Variants in DEPTOR observed in about 807,000 individuals in gnomAD.
DEPTOR encodes DEP domain containing MTOR interacting protein.
Under a neutral mutation model 41.6 loss-of-function variants are expected in DEPTOR, and 41 were observed. The observed-to-expected ratio is 0.98, with a 90% CI of 0.77 to 1.28. DEPTOR has a LOEUF of 1.28. Among genes scored for constraint, DEPTOR ranks in the 50% most tolerant of loss-of-function variants. The pLI, the probability that DEPTOR is intolerant of heterozygous loss-of-function variation, is 0.00. For missense variants in DEPTOR, 514 were observed against 527.9 expected (o/e 0.97, Z 0.26); for synonymous variants, 195 against 192.3 (o/e 1.01, Z -0.12).
At chr8:120,018,889 C>T (rs1051443818) in intron 8 of DEPTOR, among the ~76,000 whole-genome samples, 1 of 152,198 alleles carries the variant, frequency 6.6e-6, no homozygotes, top group African/African-American at 2.4e-5. Flanking sequence ...CTCAGTAATA[C>T]AGCGATAACA....
intron 1 of DEPTOR, among the ~76,000 whole-genome samples, chr8:119,882,882 A>T (rs925871335): frequency 6.6e-6 from 1 of 152,086 alleles, no homozygotes; most frequent in Non-Finnish European, 1.5e-5. Context: ...TACCAAGGAG[A>T]GGTGGGTACC....
intron 1 of DEPTOR, among the ~76,000 whole-genome samples, chr8:119,898,042 A>T (rs531602822): frequency 6.6e-6 from 1 of 152,212 alleles, no homozygotes. Context: ...ATAGATGCCA[A>T]TGTGAGGGAT....
intron 8 of DEPTOR, among the ~76,000 whole-genome samples, chr8:120,039,587 C>T (rs938984598): frequency 2.6e-5 from 4 of 152,234 alleles, no homozygotes; most frequent in South Asian, 2.1e-4. Context: ...TAAATTTCAA[C>T]GGCTTTCAAA....
At chr8:119,983,897 A>C (rs1271047858) in intron 4 of DEPTOR, among the ~76,000 whole-genome samples, 1 of 152,164 alleles carries the variant, frequency 6.6e-6, no homozygotes, top group African/African-American at 2.4e-5. Flanking sequence ...GTCTGTTGAC[A>C]TACTGACTTT....
At chr8:119,958,303 G>C (rs1235524989) in intron 3 of DEPTOR, among the ~76,000 whole-genome samples, 1 of 152,086 alleles carries the variant, frequency 6.6e-6, no homozygotes, top group African/African-American at 2.4e-5. Context: ...TCCTCCTGTG[G>C]CCTCTTCCCC....
intron 6 of DEPTOR, among the ~76,000 whole-genome samples, chr8:120,004,864 C>A (rs977558818): frequency 1.3e-5 from 2 of 151,918 alleles, no homozygotes; most frequent in Non-Finnish European, 2.9e-5. Flanking sequence ...ATGATCAGGC[C>A]TTCACAGTGA....
chr8:119,991,689 G>T (rs1165800141), intron 4 of DEPTOR, among the ~76,000 whole-genome samples: 1 of 152,064 alleles, frequency 6.6e-6, no homozygotes, highest in African/African-American at 2.4e-5. Flanking sequence ...AGAACACGAG[G>T]TATTTGGTTT....
At chr8:119,897,795 C>T (rs1033418222) in intron 1 of DEPTOR, among the ~76,000 whole-genome samples, 10 of 152,072 alleles carry the variant, frequency 6.6e-5, no homozygotes, top group African/African-American at 2.2e-4. Context: ...ACGCCTGGCC[C>T]TTTTACTGTT....
At chr8:119,966,761 A>C (rs1828567800) in intron 4 of DEPTOR, among the ~76,000 whole-genome samples, 1 of 152,140 alleles carries the variant, frequency 6.6e-6, no homozygotes, top group Non-Finnish European at 1.5e-5. Context: ...ACAGGCGTGA[A>C]CAACCATGCC....
intron 3 of DEPTOR, among the ~76,000 whole-genome samples, chr8:119,952,154 A>C (rs1378353911): frequency 6.6e-6 from 1 of 152,128 alleles, no homozygotes; most frequent in East Asian, 1.9e-4. Flanking sequence ...AGAGGAAGTC[A>C]AAGAATTTCT....
At chr8:119,995,053 C>T (rs921308726) in intron 4 of DEPTOR, among the ~76,000 whole-genome samples, 4 of 151,490 alleles carry the variant, frequency 2.6e-5, no homozygotes, top group South Asian at 2.1e-4. Flanking sequence ...TGCATAGGAA[C>T]TTAAATGAGC....
chr8:119,927,572 T>C lies in DEPTOR; in HGVS notation c.123-828T>C, dbSNP rs572992152. On this transcript the variant is annotated intron_variant, in intron 1 of 8. Transcript: ENST00000286234. ...TAGTAGCTCAAGACACATATATACA[T>C]ATATATATACATATATATTATATAT... Among the ~76,000 whole-genome samples, 34 of 147,492 alleles carry C rather than the reference T, an allele frequency of 2.3e-4. No homozygotes were observed. The East Asian group carries it at 6.6e-3, about 29-fold the overall frequency.
intron 8 of DEPTOR, among the ~76,000 whole-genome samples, chr8:120,014,702 T>C (rs2130118695): frequency 6.6e-6 from 1 of 152,090 alleles, no homozygotes; most frequent in South Asian, 2.1e-4. Context: ...TTTGTATTTT[T>C]AGTAGAGACA....
At chr8:119,953,321 G>A (rs767535377) in intron 3 of DEPTOR, among the ~76,000 whole-genome samples, 5 of 152,182 alleles carry the variant, frequency 3.3e-5, no homozygotes, top group Non-Finnish European at 7.3e-5. Flanking sequence ...GGTGGCTCAC[G>A]CCTGTAATCC....
intron 1 of DEPTOR, among the ~76,000 whole-genome samples, chr8:119,894,217 C>A (rs762398981): frequency 2.0e-5 from 3 of 151,552 alleles, no homozygotes; most frequent in Non-Finnish European, 2.9e-5. Flanking sequence ...GACACCACAC[C>A]CAGCTAATTA....
intron 3 of DEPTOR, among the ~76,000 whole-genome samples, chr8:119,938,944 G>GCTCTCTCTCTCTCTCTCTCT (rs139892847): frequency 1.6e-5 from 2 of 126,026 alleles, no homozygotes; most frequent in African/African-American, 5.8e-5. Flanking sequence ...GTTCCTTCTT[G>GCTCTCTCTCTCTCTCTCTCT]CTCTCTCTCT....
intron 1 of DEPTOR, among the ~76,000 whole-genome samples, chr8:119,893,689 G>A (rs1563958915): frequency 6.6e-6 from 1 of 152,016 alleles, no homozygotes; most frequent in South Asian, 2.1e-4. Flanking sequence ...ATTAGTGGGT[G>A]TGGTGGCATG....
chr8:119,921,665 T>C (rs1827895575), intron 1 of DEPTOR, among the ~76,000 whole-genome samples: 1 of 152,130 alleles, frequency 6.6e-6, no homozygotes, highest in Non-Finnish European at 1.5e-5. Flanking sequence ...TTGCAGGGAA[T>C]TGGTGGAAAT....
At chr8:119,988,879 C>T (rs1194057491) in intron 4 of DEPTOR, among the ~76,000 whole-genome samples, 2 of 150,410 alleles carry the variant, frequency 1.3e-5, no homozygotes, top group African/African-American at 2.4e-5. Context: ...TTAAGTAAAT[C>T]GTTAAACTGG....
Sources: allele counts gnomAD v4.1 joint callset (sites outside exome capture counted in the v4.1 genomes callset), GRCh38; gene constraint gnomAD v4.1.1; transcripts MANE v1.5; gene names NCBI Gene and HGNC (gene_info 2026-07-23, HGNC 2026-07-21).